The following CDH23 variants were observed in gnomAD, a reference collection of about 807,000 sequenced individuals.
CDH23 encodes the protein cadherin-23.
In CDH23, 189 loss-of-function variants were observed where a neutral mutation model predicts 317.1. That is an observed-to-expected ratio of 0.60 (90% confidence interval 0.53 to 0.67). CDH23 has a LOEUF of 0.67. CDH23 is among the 30% of genes least tolerant of loss of function. The probability of loss-of-function intolerance (pLI) is 0.00; values close to 1 mark genes in which losing one functional copy is unlikely to be tolerated. For missense variants in CDH23, 4,401 were observed against 4,592.4 expected (o/e 0.96, Z 1.20); for synonymous variants, 1,839 against 1,876.8 (o/e 0.98, Z 0.52).
At chr10:71,693,618 T>C (rs1241899570) in intron 20 of CDH23, among the ~76,000 whole-genome samples, 2 of 152,202 alleles carry the variant, frequency 1.3e-5, no homozygotes, top group African/African-American at 4.8e-5. Flanking sequence ...ACTGTATAAA[T>C]AAACAGTGCC....
chr10:71,598,807 GT>G (rs2132468823), intron 9 of CDH23, among the ~76,000 whole-genome samples: 1 of 152,400 alleles, frequency 6.6e-6, no homozygotes, highest in Non-Finnish European at 1.5e-5. Context: ...TTCTGCCTGT[GT>G]GAGCCAAGGG....
chr10:71,413,472 G>A (rs972331844), intron 1 of CDH23, among the ~76,000 whole-genome samples: 3 of 152,092 alleles, frequency 2.0e-5, no homozygotes, highest in African/African-American at 7.2e-5. Context: ...GGTACTTTGA[G>A]ATTCCACATA....
intron 11 of CDH23, among the ~76,000 whole-genome samples, chr10:71,634,811 A>G (rs1005744391): frequency 2.6e-5 from 4 of 152,232 alleles, no homozygotes; most frequent in Non-Finnish European, 5.9e-5. Flanking sequence ...CAGAACTGGA[A>G]AGGACCGTGT....
At chr10:71,403,395 CTTT>C (rs1290273107) in intron 1 of CDH23, among the ~76,000 whole-genome samples, 6 of 97,620 alleles carry the variant, frequency 6.1e-5, no homozygotes, top group Admixed American at 1.1e-4. Context: ...TTCTTTCTTT[CTTT>C]CTTTCTTTCT....
chr10:71,774,477 G>T (rs1840770905), intron 38 of CDH23, among the ~76,000 whole-genome samples: 1 of 152,186 alleles, frequency 6.6e-6, no homozygotes. Context: ...ACCACCTCCA[G>T]CCTGAGATAA....
intron 6 of CDH23, among the ~76,000 whole-genome samples, chr10:71,553,905 G>A (rs949266839): frequency 6.6e-6 from 1 of 152,154 alleles, no homozygotes; most frequent in African/African-American, 2.4e-5. Context: ...AGGGTTCCCT[G>A]GGAGTTTTAT....
chr10:71,506,579 C>T (rs10999854), intron 3 of CDH23, among the ~76,000 whole-genome samples: 74,415 of 151,832 alleles, frequency 0.49, 19,055 homozygotes, highest in African/African-American at 0.65. Flanking sequence ...ACCCCAGAGA[C>T]TGGCCTCACT....
At chr10:71,785,143 G>A (rs762037037) in intron 43 of CDH23, 43 bp downstream of exon 43, 1 of 1,537,700 alleles carries the variant, frequency 6.5e-7, no homozygotes, top group South Asian at 1.1e-5. Flanking sequence ...AGGGTTTCCA[G>A]TGAAAAAGAG....
chr10:71,428,512 C>T (rs1275708616), intron 1 of CDH23, among the ~76,000 whole-genome samples: 3 of 151,178 alleles, frequency 2.0e-5, no homozygotes, highest in Non-Finnish European at 2.9e-5. Context: ...TATCTCATTG[C>T]GGTTTTGATT....
chr10:71,455,602 TG>T (rs1283251412), intron 3 of CDH23, among the ~76,000 whole-genome samples: 1 of 152,196 alleles, frequency 6.6e-6, no homozygotes, highest in Admixed American at 6.5e-5. Flanking sequence ...CCTGTCCTCA[TG>T]GAACTGACAT....
chr10:71,549,991 C>T lies in CDH23; in HGVS notation c.430-16751C>T, dbSNP rs78946903. ...GGGTTTATCTAGCTATCCCTGCCTC[C>T]GCCAGGATATTAACGGGCTTCCCGC... On this transcript the variant is annotated intron_variant, in intron 6 of 69. Coordinates refer to ENST00000224721, the MANE Select transcript of CDH23 (RefSeq NM_022124.6). Among the ~76,000 whole-genome samples the T allele has an allele frequency of 3.8e-3, 582 of 152,186 alleles. 9 individuals are homozygous for T. The highest frequency in any genetic ancestry group is 0.014 in the South Asian group (68 of 4,828).
rs576710596 is a variant in CDH23 at position 71,448,738 on chromosome 10, GC to G, written c.145+2347del. ...GACTTTGGCTGGGGCAGCCTGGCTG[GC>G]CCCAGTTGTTTCTAGGTTCTCAGAG... is the stretch of plus-strand genomic sequence containing the variant. On this transcript the variant is annotated intron_variant, in intron 3 of 69. Coordinates refer to ENST00000224721, the MANE Select transcript of CDH23 (RefSeq NM_022124.6). 2.2e-3 allele frequency among the ~76,000 whole-genome samples: 334 copies of G among 152,298 alleles called. 3 individuals carry two copies. The highest frequency in any genetic ancestry group is 4.1e-3 in the Non-Finnish European group (276 of 68,024).
chr10:71,742,962 G>A (rs747450095), intron 38 of CDH23, among the ~76,000 whole-genome samples: 17 of 152,154 alleles, frequency 1.1e-4, no homozygotes, highest in Non-Finnish European at 1.9e-4. Context: ...GGGTTGGCTC[G>A]CCAGCAGCTG....
At chr10:71,716,178 G>A in intron 28 of CDH23, 1 of 1,551,126 alleles carries the variant, frequency 6.4e-7, no homozygotes, top group South Asian at 1.2e-5. Flanking sequence ...GTCATGAACA[G>A]CAGACAGGTG....
Position 71,812,820 on chromosome 10 carries a change from T to G in CDH23, c.9563T>G (p.Leu3188Arg). 2 of 1,613,566 alleles carry G rather than the reference T, an allele frequency of 1.2e-6. No homozygotes were observed. Among genetic ancestry groups the G allele is most frequent in the Non-Finnish European group, 1.7e-6 (2 of 1,179,674 alleles). ...AAVKPDDDRY[L>R]RAAIQEYDNI... ...GTCAAGCCTGATGATGACCGATACC[T>G]GCGGGCTGCCATCCAGGAGTATGAC... Residue 3188 changes from leucine (L) to arginine (R), a missense_variant, in exon 68 of 70, where the codon CTG becomes CGG. Around this residue, in one of 3 missense-constraint regions of CDH23, gnomAD observed 1,144 missense variants for 1,138.2 expected, o/e 1.01. Transcript: ENST00000224721.
At chr10:71,723,952 G>A (rs1866686716) in intron 28 of CDH23, 93 bp from the exon 29 acceptor site, 1 of 1,400,082 alleles carries the variant, frequency 7.1e-7, no homozygotes, top group African/African-American at 1.4e-5. Context: ...GGATGGGGTA[G>A]GATGCGTGAA....
chr10:71,515,357 T>TTCTCTCTCTCTCTCTCTCTCTC lies in CDH23; in HGVS notation c.429+4162_429+4183dup, dbSNP rs3059687. On this transcript the variant is annotated intron_variant, in intron 6 of 69. Coordinates refer to ENST00000224721, the MANE Select transcript of CDH23 (RefSeq NM_022124.6). Reference sequence around the variant, plus strand: ...TCAATGGCAATGGATACCTGTCTGTTTCTCTCTCTCTCTCTCTCTCTCTCT... The same window carrying TTCTCTCTCTCTCTCTCTCTCTC: ...TCAATGGCAATGGATACCTGTCTGTTTCTCTCTCTCTCTCTCTCTCTCTCTCTCTCTCTCTCTCTCTCTCTCT... 6.3e-5 allele frequency among the ~76,000 whole-genome samples: 8 copies of TTCTCTCTCTCTCTCTCTCTCTC among 126,262 alleles called. No homozygotes were observed. The East Asian group carries it at 1.2e-3, about 19-fold the overall frequency. 82.8% of individuals were successfully genotyped at this position (126,262 alleles called of 152,430 possible).
At chr10:71,669,063 GCT>G (rs1179034371) in intron 14 of CDH23, among the ~76,000 whole-genome samples, 1 of 152,202 alleles carries the variant, frequency 6.6e-6, no homozygotes, top group Admixed American at 6.5e-5. Context: ...TCCCCCACAT[GCT>G]GACTGTAGGG....
At chr10:71,705,613 C>T (rs1865757375) in intron 25 of CDH23, among the ~76,000 whole-genome samples, 1 of 152,208 alleles carries the variant, frequency 6.6e-6, no homozygotes, top group African/African-American at 2.4e-5. Context: ...GCTGGGACTC[C>T]CAGACTCCCT....
Sources: gnomAD v4.1 joint callset for allele counts (sites outside exome capture counted in the v4.1 genomes callset) on GRCh38, gnomAD v4.1.1 for gene constraint, gnomAD v4.1.1 regional missense constraint, MANE v1.5 for transcripts, NCBI Gene and HGNC (gene_info 2026-07-23, HGNC 2026-07-21) for gene names.